The following PHLDB2 variants were observed in gnomAD, a reference collection of about 807,000 sequenced individuals.
PHLDB2 encodes pleckstrin homology-like domain family B member 2.
PHLDB2 carries 71 observed loss-of-function variants against 123.6 expected under a neutral mutation model. The observed-to-expected ratio is 0.57, with a 90% CI of 0.47 to 0.70. The LOEUF (loss-of-function observed/expected upper bound fraction) is 0.70. Among genes scored for constraint, PHLDB2 ranks in the 30% least tolerant of loss-of-function variants. PHLDB2 has a pLI of 0.00. For synonymous variants in PHLDB2, 547 were observed against 541.6 expected (o/e 1.01, Z -0.14); for missense variants, 1,446 against 1,519.5 (o/e 0.95, Z 0.80).
At chr3:111,830,951 GAAAGAGAAAGAAA>G (rs1559854855) in intron 1 of PHLDB2, among the ~76,000 whole-genome samples, 8 of 109,718 alleles carry the variant, frequency 7.3e-5, no homozygotes, top group African/African-American at 2.1e-4. Flanking sequence ...AGGAAAGAAA[GAAAGAGAAAGAAA>G]GAAAGAAAGA....
At chr3:111,881,514 A>G (rs2065924945) in intron 1 of PHLDB2, among the ~76,000 whole-genome samples, 1 of 152,206 alleles carries the variant, frequency 6.6e-6, no homozygotes, top group African/African-American at 2.4e-5. Context: ...GAATACCTGC[A>G]ACACTTGAGT....
chr3:111,953,307 T>C (rs998311101), intron 11 of PHLDB2, among the ~76,000 whole-genome samples: 29 of 152,048 alleles, frequency 1.9e-4, no homozygotes, highest in African/African-American at 7.0e-4. Context: ...CCTGAGGGGA[T>C]CATTGTGGCA....
upstream of PHLDB2, among the ~76,000 whole-genome samples, chr3:111,857,366 A>G (rs1186103052): frequency 1.3e-5 from 2 of 151,336 alleles, no homozygotes; most frequent in Non-Finnish European, 2.9e-5. Context: ...TGGGAGGATC[A>G]CTTGAGCCCA....
chr3:111,779,766 C>T (rs1331826003), intron 1 of PHLDB2: 33 of 765,228 alleles, frequency 4.3e-5, no homozygotes, highest in Non-Finnish European at 5.2e-5. Context: ...GTTCTTGTGG[C>T]AGAATGCAAA....
intron 1 of PHLDB2, among the ~76,000 whole-genome samples, chr3:111,775,711 T>C (rs1241803411): frequency 1.3e-5 from 2 of 152,194 alleles, no homozygotes; most frequent in African/African-American, 4.8e-5. Flanking sequence ...AAATTTTGGC[T>C]TAAAGTTTGA....
At chr3:111,749,603 A>G (rs2059736832) in intron 1 of PHLDB2, among the ~76,000 whole-genome samples, 1 of 152,234 alleles carries the variant, frequency 6.6e-6, no homozygotes, top group Non-Finnish European at 1.5e-5. Flanking sequence ...ATCCAGATCA[A>G]ACTGCTATAT....
In PHLDB2 at chr3:111,969,778, C is replaced by T. The variant is rs769750848; in HGVS notation, c.3404C>T (p.Thr1135Ile). 3.1e-6 allele frequency: 5 copies of T among 1,613,998 alleles called. No homozygotes were observed. The East Asian group carries it at 1.1e-4, about 36-fold the overall frequency. ...GAGACTGCTGGCCACAATATTGACA[C>T]CTGTTACCATGTATCAATCACAGAG... ...HVETAGHNID[T>I]CYHVSITEKT... Residue 1135 changes from threonine to isoleucine, a missense_variant, in exon 16 of 18, where the codon ACC becomes ATC. Thr to Ile is a moderately conservative substitution (Grantham distance 89). This residue lies in a region of PHLDB2 where 594 missense variants were observed against 646.0 expected (regional missense o/e 0.92). Transcript: ENST00000431670.
intron 1 of PHLDB2, among the ~76,000 whole-genome samples, chr3:111,747,734 G>A (rs563302775): frequency 2.0e-5 from 3 of 152,286 alleles, no homozygotes; most frequent in East Asian, 3.9e-4. Context: ...ATAAAGCAGT[G>A]TTTAGCAGTC....
chr3:111,736,214 G>T (rs1215137353), intron 1 of PHLDB2, among the ~76,000 whole-genome samples: 1 of 152,132 alleles, frequency 6.6e-6, no homozygotes, highest in African/African-American at 2.4e-5. Flanking sequence ...AGAGAAAATT[G>T]TTCTTATCAT....
At chr3:111,817,456 C>T (rs73855637) in intron 1 of PHLDB2, among the ~76,000 whole-genome samples, 83 of 152,328 alleles carry the variant, frequency 5.4e-4, no homozygotes, top group African/African-American at 2.0e-3. Context: ...TGGCACAGTG[C>T]TGGTCTTTAT....
chr3:111,828,800 C>G (rs560232070), intron 1 of PHLDB2, among the ~76,000 whole-genome samples: 24 of 152,246 alleles, frequency 1.6e-4, no homozygotes, highest in Admixed American at 7.9e-4. Flanking sequence ...AATGAACAAA[C>G]AAACAAACAA....
intron 2 of PHLDB2, among the ~76,000 whole-genome samples, chr3:111,903,809 A>C (rs1210051516): frequency 6.6e-6 from 1 of 152,180 alleles, no homozygotes; most frequent in Non-Finnish European, 1.5e-5. Flanking sequence ...AATTCTTCCA[A>C]GATCCCAAGG....
At chr3:111,748,798 A>T (rs1194554200) in intron 1 of PHLDB2, among the ~76,000 whole-genome samples, 1 of 152,178 alleles carries the variant, frequency 6.6e-6, no homozygotes, top group African/African-American at 2.4e-5. Flanking sequence ...CTGGGATTAC[A>T]GGCGTGAGTC....
intron 12 of PHLDB2, among the ~76,000 whole-genome samples, chr3:111,955,812 G>C (rs773036391): frequency 5.2e-4 from 79 of 152,310 alleles, no homozygotes; most frequent in Non-Finnish European, 9.9e-4. Context: ...CACCAACAAA[G>C]ACCATTAAGC....
intron 2 of PHLDB2, among the ~76,000 whole-genome samples, chr3:111,891,875 T>TA (rs1176220506): frequency 2.0e-5 from 3 of 152,170 alleles, no homozygotes; most frequent in Admixed American, 6.5e-5. Context: ...AGGGGAAAAT[T>TA]AAAAAATGAA....
chr3:111,883,613 G>A (rs934351656), intron 1 of PHLDB2, among the ~76,000 whole-genome samples: 1 of 152,146 alleles, frequency 6.6e-6, no homozygotes, highest in African/African-American at 2.4e-5. Flanking sequence ...CTGCCCAAAT[G>A]TGAATTTTGT....
chr3:111,864,355 A>G (rs2064970752), intron 1 of PHLDB2, among the ~76,000 whole-genome samples: 1 of 152,244 alleles, frequency 6.6e-6, no homozygotes, highest in South Asian at 2.1e-4. Flanking sequence ...TTGTCTTTTA[A>G]AAATAAATGA....
chr3:111,790,466 A>C (rs1322459879), intron 1 of PHLDB2, among the ~76,000 whole-genome samples: 1 of 152,192 alleles, frequency 6.6e-6, no homozygotes, highest in African/African-American at 2.4e-5. Context: ...TAGTCTCTTC[A>C]TACTCTCTTC....
intron 1 of PHLDB2, among the ~76,000 whole-genome samples, chr3:111,749,225 T>A (rs2059730088): frequency 6.6e-6 from 1 of 152,150 alleles, no homozygotes; most frequent in African/African-American, 2.4e-5. Flanking sequence ...GCTTATTTCA[T>A]GAATTCTTGA....
Sources: gnomAD v4.1 joint callset for allele counts (sites outside exome capture counted in the v4.1 genomes callset) on GRCh38, gnomAD v4.1.1 for gene constraint, gnomAD v4.1.1 regional missense constraint, MANE v1.5 for transcripts, NCBI Gene and HGNC (gene_info 2026-07-23, HGNC 2026-07-21) for gene names.